Variants in TBC1D30 observed in about 807,000 individuals in gnomAD.
TBC1D30 encodes TBC1 domain family, member 30.
In TBC1D30, 31 loss-of-function variants were observed where a neutral mutation model predicts 63.2. The ratio of observed to expected loss-of-function variants is 0.49; its 90% CI spans 0.37 to 0.66. The LOEUF (loss-of-function observed/expected upper bound fraction) is 0.66. Ranked by LOEUF, TBC1D30 falls within the 30% of genes least tolerant of loss-of-function variation. The probability of loss-of-function intolerance (pLI) is 0.00; values close to 1 mark genes in which losing one functional copy is unlikely to be tolerated. For synonymous variants in TBC1D30, 307 were observed against 361.5 expected (o/e 0.85, Z 1.71); for missense variants, 810 against 953.6 (o/e 0.85, Z 1.98).
chr12:64,867,475 T>A (rs1157359842), intron 10 of TBC1D30, among the ~76,000 whole-genome samples: 1 of 149,964 alleles, frequency 6.7e-6, no homozygotes, highest in South Asian at 2.1e-4. Flanking sequence ...AAAAAAAAAA[T>A]TGTTACTAAA....
Position 64,824,900 on chromosome 12 carries a change from C to T in TBC1D30, c.21C>T (p.Thr7=), listed in dbSNP as rs1874165580. MRQDKL[T]GSLRRGGRCL... The stretch of plus-strand genomic sequence containing the variant: ...CTCGGATGCGGCAGGACAAGCTGAC[C>T]GGGTCTCTGAGGCGCGGGGGGAGAT... Residue 7 remains threonine (T), a synonymous_variant, in exon 1 of 12, where the codon ACC becomes ACT. Transcript: ENST00000539867. 3.3e-6 allele frequency: 5 copies of T among 1,533,948 alleles called. No individual in the cohort carries two copies. Among genetic ancestry groups the T allele is most frequent in the Non-Finnish European group, 4.4e-6 (5 of 1,146,448 alleles).
At chr12:64,821,082 A>G (rs1873858221), upstream of TBC1D30, among the ~76,000 whole-genome samples, 1 of 152,254 alleles carries the variant, frequency 6.6e-6, no homozygotes, top group African/African-American at 2.4e-5. Flanking sequence ...CAAGTAAAGA[A>G]GAATCTAAAG....
upstream of TBC1D30, among the ~76,000 whole-genome samples, chr12:64,822,386 G>T (rs562016759): frequency 6.6e-6 from 1 of 152,220 alleles, no homozygotes; most frequent in South Asian, 2.1e-4. Context: ...TTGCTATTTT[G>T]CCCAGACTAG....
chr12:64,865,153 G>A (rs1173242473), intron 9 of TBC1D30, among the ~76,000 whole-genome samples: 2 of 150,520 alleles, frequency 1.3e-5, no homozygotes, highest in Non-Finnish European at 3.0e-5. Context: ...TGAAAAATAG[G>A]CATATTGAAT....
chr12:64,829,978 C>T (rs1592603823), intron 3 of TBC1D30, among the ~76,000 whole-genome samples: 1 of 152,158 alleles, frequency 6.6e-6, no homozygotes, highest in East Asian at 1.9e-4. Context: ...CCCCATTCAC[C>T]ATGAGTGACC....
chr12:64,819,406 CTTTTTTTTTTTTTTTTTT>C (rs55757950), intron 2 of TBC1D30, among the ~76,000 whole-genome samples: 10 of 77,992 alleles, frequency 1.3e-4, no homozygotes, highest in Non-Finnish European at 2.0e-4. Context: ...GAAGGAACTA[CTTTTTTTTTTTTTTTTTT>C]TTTTTTTTTG....
Position 64,875,477 on chromosome 12 carries a change from C to T in TBC1D30, c.1975C>T (p.Leu659=). The change falls in exon 12 of 12, where the codon CTG becomes TTG. Residue 659 remains leucine, a synonymous_variant. Transcript: ENST00000539867. ...VSAVQAKLGA[L]ELNQRDAAAE... ...TGCAGTTCAGGCGAAGTTGGGAGCC[C>T]TGGAACTGAACCAGAGGGATGCTGC... The T allele has an allele frequency of 1.3e-6, 2 of 1,536,156 alleles. No individual in the cohort carries two copies. The highest frequency in any genetic ancestry group is 1.7e-6 in the Non-Finnish European group (2 of 1,146,912).
At position 64,875,054 on chromosome 12, in the gene TBC1D30, A is replaced by G; in HGVS notation, c.1552A>G (p.Ile518Val). ...GTCTCAGGTAAACAGTTCTCCAGTT[A>G]TAAACCACCTTCTTTTAGGAAAGAA... The part of the protein sequence containing the change: ...LPSQVNSSPV[I>V]NHLLLGKKMK... The change falls in exon 12 of 12, where the codon ATA becomes GTA. Residue 518 changes from isoleucine to valine, a missense_variant. By Grantham distance (29) the Ile-to-Val change is conservative. Transcript: ENST00000539867. 2 of 1,536,796 alleles carry G rather than the reference A, an allele frequency of 1.3e-6. No individual in the cohort carries two copies. Among genetic ancestry groups the G allele is most frequent in the Non-Finnish European group, 1.7e-6 (2 of 1,147,066 alleles).
chr12:64,772,513 TCCGCCTCC>T (rs981395775), intron 1 of TBC1D30, among the ~76,000 whole-genome samples: 1 of 152,034 alleles, frequency 6.6e-6, no homozygotes, highest in African/African-American at 2.4e-5. Flanking sequence ...TACTGCAACC[TCCGCCTCC>T]CCGGTTCAAG....
intron 10 of TBC1D30, among the ~76,000 whole-genome samples, chr12:64,869,822 C>G (rs918028028): frequency 2.0e-5 from 3 of 152,166 alleles, no homozygotes; most frequent in African/African-American, 7.2e-5. Flanking sequence ...GAATAACACT[C>G]TCAGCAGATG....
At chr12:64,849,632 A>G (rs887171884) in intron 8 of TBC1D30, among the ~76,000 whole-genome samples, 1 of 152,062 alleles carries the variant, frequency 6.6e-6, no homozygotes, top group Non-Finnish European at 1.5e-5. Flanking sequence ...ATTGGTTTAT[A>G]TATTTGTTTT....
At chr12:64,788,136 T>A (rs776234927) in intron 2 of TBC1D30, among the ~76,000 whole-genome samples, 7 of 152,064 alleles carry the variant, frequency 4.6e-5, no homozygotes, top group Admixed American at 6.6e-5. Context: ...AATAGGCTTT[T>A]CTCCAGAGTC....
chr12:64,793,158 T>C (rs1872034639), intron 2 of TBC1D30, among the ~76,000 whole-genome samples: 1 of 151,902 alleles, frequency 6.6e-6, no homozygotes, highest in African/African-American at 2.4e-5. Flanking sequence ...CTAGGCAACA[T>C]AGTAAGACCT....
At chr12:64,810,489 G>C (rs1157526785) in intron 2 of TBC1D30, among the ~76,000 whole-genome samples, 1 of 152,166 alleles carries the variant, frequency 6.6e-6, no homozygotes, top group Non-Finnish European at 1.5e-5. Flanking sequence ...TGTAATCCCA[G>C]CTACTCAGGA....
At chr12:64,850,971 A>G (rs770422842) in intron 8 of TBC1D30, among the ~76,000 whole-genome samples, 1 of 152,102 alleles carries the variant, frequency 6.6e-6, no homozygotes, top group Non-Finnish European at 1.5e-5. Flanking sequence ...CTATTCAGGG[A>G]TTTGACTTCT....
At chr12:64,866,629 G>A in intron 9 of TBC1D30, 135 bp from the exon 10 acceptor site, 1 of 850,798 alleles carries the variant, frequency 1.2e-6, no homozygotes, top group South Asian at 2.4e-5. Context: ...TAGCAGAGAT[G>A]GGGTTTCACA....
intron 1 of TBC1D30, among the ~76,000 whole-genome samples, chr12:64,826,141 G>A (rs1283906344): frequency 6.6e-6 from 1 of 151,974 alleles, no homozygotes; most frequent in African/African-American, 2.4e-5. Context: ...CGGAATAGCT[G>A]TGATTATCAG....
At chr12:64,825,906 G>A (rs1336232246) in intron 1 of TBC1D30, among the ~76,000 whole-genome samples, 4 of 152,166 alleles carry the variant, frequency 2.6e-5, no homozygotes, top group African/African-American at 9.7e-5. Flanking sequence ...CAGCGCCAGC[G>A]CCTTGGGGAC....
intron 8 of TBC1D30, among the ~76,000 whole-genome samples, chr12:64,846,930 G>A (rs1204251728): frequency 1.3e-5 from 2 of 148,338 alleles, no homozygotes; most frequent in Non-Finnish European, 3.0e-5. Context: ...TTAATTCCTA[G>A]GTAGTTAATT....
Sources: gnomAD v4.1 joint callset for allele counts (sites outside exome capture counted in the v4.1 genomes callset) on GRCh38, gnomAD v4.1.1 for gene constraint, MANE v1.5 for transcripts, NCBI Gene and HGNC (gene_info 2026-07-23, HGNC 2026-07-21) for gene names.